The following DLGAP2 variants were observed in gnomAD, a reference collection of about 807,000 sequenced individuals.
The protein encoded by DLGAP2 is disks large-associated protein 2.
A neutral mutation model predicts 100.3 loss-of-function variants in DLGAP2; 26 were observed. That is an observed-to-expected ratio of 0.26 (90% confidence interval 0.19 to 0.36). The LOEUF is 0.36. DLGAP2 is among the 10% of genes least tolerant of loss of function. The pLI, the probability that DLGAP2 is intolerant of heterozygous loss-of-function variation, is 1.00. For missense variants in DLGAP2, 1,858 were observed against 1,453.2 expected, an observed-to-expected ratio of 1.28 and a Z score of -4.53; for synonymous variants, 886 against 630.1, an observed-to-expected ratio of 1.41 and a Z score of -6.08.
At chr8:810,750 C>T (rs567752398) in intron 1 of DLGAP2, among the ~76,000 whole-genome samples, 2 of 152,330 alleles carry the variant, frequency 1.3e-5, no homozygotes, top group South Asian at 4.1e-4. Context: ...GAATCAGTTC[C>T]TTCATCTTAT....
intron 1 of DLGAP2, among the ~76,000 whole-genome samples, chr8:866,413 T>C (rs954594343): frequency 7.9e-5 from 12 of 152,184 alleles, no homozygotes; most frequent in Non-Finnish European, 1.8e-4. Context: ...GAACCATGTC[T>C]CTGGGTCCAG....
Position 1,701,175 on chromosome 8 carries a change from C to G in DLGAP2, c.2950-13C>G. The G allele has an allele frequency of 6.4e-7, 1 of 1,551,706 alleles. No homozygotes were observed. Among genetic ancestry groups the G allele is most frequent in the Non-Finnish European group, 8.7e-7 (1 of 1,148,404 alleles). On this transcript the variant is annotated splice_polypyrimidine_tract_variant and intron_variant, in intron 14 of 14. Transcript: ENST00000637795. ...CCGAGCACCTGCCAACGGTGACTTG[C>G]GCTGCTTTTCAGGAAGAAAGAAAGG...
At chr8:1,695,158 G>T (rs2130882359) in intron 13 of DLGAP2, among the ~76,000 whole-genome samples, 1 of 152,368 alleles carries the variant, frequency 6.6e-6, no homozygotes, top group African/African-American at 2.4e-5. Flanking sequence ...GCGGGCGAGG[G>T]AGGAGAAGCC....
intron 2 of DLGAP2, among the ~76,000 whole-genome samples, chr8:1,087,610 T>C (rs181446383): frequency 6.6e-6 from 1 of 152,196 alleles, no homozygotes; most frequent in Non-Finnish European, 1.5e-5. Context: ...CTGTCTCCTT[T>C]GGCTGTTTCA....
chr8:962,898 C>T (rs757943162), intron 2 of DLGAP2, among the ~76,000 whole-genome samples: 1 of 152,170 alleles, frequency 6.6e-6, no homozygotes, highest in Admixed American at 6.5e-5. Flanking sequence ...GGCTTTGTGA[C>T]CGTGCCTCCC....
intron 2 of DLGAP2, among the ~76,000 whole-genome samples, chr8:1,254,824 C>G (rs564761905): frequency 4.2e-5 from 6 of 142,738 alleles, no homozygotes; most frequent in African/African-American, 1.6e-4. Context: ...CCCACAAAGA[C>G]CGCTCCTGAC....
At chr8:1,176,018 C>T (rs1237058276) in intron 2 of DLGAP2, among the ~76,000 whole-genome samples, 2 of 152,144 alleles carry the variant, frequency 1.3e-5, no homozygotes, top group Non-Finnish European at 2.9e-5. Context: ...ATTGACTGGT[C>T]CATCTTCCCA....
chr8:746,462 G>A (rs1322176299), intron 1 of DLGAP2, among the ~76,000 whole-genome samples: 8 of 152,234 alleles, frequency 5.3e-5, no homozygotes, highest in Non-Finnish European at 7.3e-5. Context: ...CGTCGGCAGG[G>A]GGGCTCCAGA....
intron 2 of DLGAP2, among the ~76,000 whole-genome samples, chr8:974,360 C>G (rs7008809): frequency 3.9e-5 from 6 of 152,138 alleles, no homozygotes; most frequent in Admixed American, 2.0e-4. Context: ...AAAGTTGATT[C>G]AAATATTTAA....
At chr8:945,009 C>G (rs1315107501) in intron 2 of DLGAP2, among the ~76,000 whole-genome samples, 1 of 152,162 alleles carries the variant, frequency 6.6e-6, no homozygotes, top group Non-Finnish European at 1.5e-5. Context: ...GTGTTTAACA[C>G]AATCTATGTG....
intron 2 of DLGAP2, among the ~76,000 whole-genome samples, chr8:1,135,552 C>G (rs1357735788): frequency 1.8e-5 from 2 of 113,188 alleles, no homozygotes; most frequent in South Asian, 6.2e-4. Context: ...AAGCGCTAGA[C>G]TCTGAAAAGG....
chr8:1,373,574 C>T (rs1020849764), intron 3 of DLGAP2: 3 of 152,246 alleles, frequency 2.0e-5, no homozygotes, highest in Admixed American at 1.3e-4. Context: ...TCAGTGAGAT[C>T]ATTTCACCAG....
intron 8 of DLGAP2, among the ~76,000 whole-genome samples, chr8:1,634,060 G>A (rs1397803002): frequency 1.3e-5 from 2 of 152,222 alleles, no homozygotes; most frequent in African/African-American, 2.4e-5. Context: ...TGCACTTTGT[G>A]TAGAAAGTAT....
chr8:995,292 A>T (rs976561490), intron 2 of DLGAP2, among the ~76,000 whole-genome samples: 1 of 152,218 alleles, frequency 6.6e-6, no homozygotes, highest in Non-Finnish European at 1.5e-5. Context: ...GGTTTCTGTG[A>T]CATCAGTTTT....
intron 2 of DLGAP2, among the ~76,000 whole-genome samples, chr8:939,895 C>T (rs558831571): frequency 2.0e-5 from 3 of 151,528 alleles, no homozygotes; most frequent in South Asian, 4.2e-4. Flanking sequence ...CACTCGGAGG[C>T]CCCAGGCTGC....
At chr8:952,626 T>C (rs936131357) in intron 2 of DLGAP2, among the ~76,000 whole-genome samples, 1 of 152,102 alleles carries the variant, frequency 6.6e-6, no homozygotes, top group South Asian at 2.1e-4. Flanking sequence ...GACAGTGTGA[T>C]ACATGATCTC....
chr8:966,573 G>A (rs1022099079), intron 2 of DLGAP2, among the ~76,000 whole-genome samples: 3 of 152,122 alleles, frequency 2.0e-5, no homozygotes, highest in African/African-American at 7.2e-5. Flanking sequence ...GACAATGGAT[G>A]AATAAGTATT....
intron 3 of DLGAP2, among the ~76,000 whole-genome samples, chr8:1,331,650 C>G (rs1200883076): frequency 6.6e-6 from 1 of 152,180 alleles, no homozygotes; most frequent in Admixed American, 6.5e-5. Context: ...GTGTCAACAT[C>G]TTGGGTATAC....
chr8:1,099,568 G>C (rs1003092619), intron 2 of DLGAP2, among the ~76,000 whole-genome samples: 1 of 152,192 alleles, frequency 6.6e-6, no homozygotes, highest in Non-Finnish European at 1.5e-5. Context: ...CCCTTTCAGA[G>C]GCTACCAGGA....
Sources: allele counts gnomAD v4.1 joint callset (sites outside exome capture counted in the v4.1 genomes callset), GRCh38; gene constraint gnomAD v4.1.1; transcripts MANE v1.5; gene names NCBI Gene and HGNC (gene_info 2026-07-23, HGNC 2026-07-21).